The following TXNDC17 variants were observed in gnomAD, a reference collection of about 807,000 sequenced individuals.
The protein encoded by TXNDC17 is thioredoxin domain-containing protein 17.
Under a neutral mutation model 16.3 loss-of-function variants are expected in TXNDC17, and 12 were observed. The ratio of observed to expected loss-of-function variants is 0.74; its 90% CI spans 0.47 to 1.19. The LOEUF is 1.19. Among genes scored for constraint, TXNDC17 ranks in the 50% most tolerant of loss-of-function variants. The probability of loss-of-function intolerance (pLI) is 0.00; values close to 1 mark genes in which losing one functional copy is unlikely to be tolerated. For missense variants in TXNDC17, 158 were observed against 149.7 expected, an observed-to-expected ratio of 1.06 and a Z score of -0.29; for synonymous variants, 62 against 55.0, an observed-to-expected ratio of 1.13 and a Z score of -0.56.
At chr17:6,641,699 C>T in intron 1 of TXNDC17, 54 bp from the exon 2 acceptor site, 3 of 1,542,612 alleles carry the variant, frequency 1.9e-6, no homozygotes, top group Non-Finnish European at 1.8e-6. Flanking sequence ...ACAGTTTATA[C>T]GTGCCTGATT....
In TXNDC17 at chr17:6,641,093, A is replaced by T. The variant is rs200547270; in HGVS notation, c.11A>T (p.Tyr4Phe). The change falls in exon 1 of 4, where the codon TAT (tyrosine) becomes TTT (phenylalanine). Residue 4 changes from tyrosine to phenylalanine, a missense_variant. By Grantham distance (22) the Tyr-to-Phe change is conservative. Transcript: ENST00000250101. ...CTGCACGTCGTGCCAATGGCCCGCT[A>T]TGAGGAGGTGAGCGTGTCCGGCTTC... The part of the protein sequence containing the change: MAR[Y>F]EEVSVSGFEE... The T allele has an allele frequency of 2.8e-4, 451 of 1,612,956 alleles. 1 individual carries two copies. The highest frequency in any genetic ancestry group is 3.5e-4 in the Non-Finnish European group (418 of 1,179,898).
intron 3 of TXNDC17, 186 bp downstream of exon 3, chr17:6,642,510 C>G (rs1972701628): frequency 1.9e-6 from 1 of 516,544 alleles, no homozygotes; most frequent in African/African-American, 2.0e-5. Flanking sequence ...GCTATTAGGT[C>G]TTTTTCATGT....
chr17:6,641,576 C>T, intron 1 of TXNDC17, 177 bp from the exon 2 acceptor site: 1 of 696,440 alleles, frequency 1.4e-6, no homozygotes, highest in Non-Finnish European at 2.5e-6. Context: ...TTGGTCCTTA[C>T]CCTTAACGTG....
chr17:6,642,795 TATTG>T, intron 3 of TXNDC17, 152 bp from the exon 4 acceptor site: 1 of 620,356 alleles, frequency 1.6e-6, no homozygotes, highest in African/African-American at 1.8e-5. Flanking sequence ...ACAGCAAATA[TATTG>T]ATTCTTTCAT....
chr17:6,641,356 C>T, intron 1 of TXNDC17, 129 bp downstream of exon 1: 1 of 1,344,102 alleles, frequency 7.4e-7, no homozygotes, highest in South Asian at 1.4e-5. Context: ...GAGCTGTCCC[C>T]AAGTCTCCTT....
rs1972715220 is a variant in TXNDC17, at chr17:6,642,993, G to C, written c.346G>C (p.Val116Leu). 6.2e-7 allele frequency: 1 copy of C among 1,613,914 alleles called. No homozygotes were observed. Among genetic ancestry groups the C allele is most frequent in the Admixed American group, 1.7e-5 (1 of 60,024 alleles). Residue 116 changes from valine (V) to leucine (L), a missense_variant, in exon 4 of 4, where the codon GTG (valine) becomes CTG (leucine). Val to Leu is a conservative substitution (Grantham distance 32). Transcript: ENST00000250101. ...ATCTGAGTGTCTTCAGGCCAACCTG[G>C]TGGAAATGTTGTTCTCTGAAGATTA... is the stretch of plus-strand genomic sequence containing the variant. ...VESECLQANL[V>L]EMLFSED
At chr17:6,642,208 C>A in intron 2 of TXNDC17, 41 bp from the exon 3 acceptor site, 1 of 1,403,190 alleles carries the variant, frequency 7.1e-7, no homozygotes, top group South Asian at 1.2e-5. Context: ...TGTAATAAAC[C>A]AAGTAAATTT....
chr17:6,641,705 T>G (rs1456704223), intron 1 of TXNDC17, 48 bp from the exon 2 acceptor site: 3 of 1,572,178 alleles, frequency 1.9e-6, no homozygotes, highest in Non-Finnish European at 1.8e-6. Context: ...TATACGTGCC[T>G]GATTGTAGAG....
chr17:6,641,232 G>C lies in TXNDC17; in HGVS notation c.145+5G>C. ...GGTGCCCCGACTGCGTGCAGGGTGA[G>C]GCCGGGATTCGGGGGCTGCTGTCCA... is the stretch of plus-strand genomic sequence containing the variant. On this transcript the variant is annotated splice_donor_5th_base_variant and intron_variant, in intron 1 of 3. Coordinates refer to ENST00000250101, the MANE Select transcript of TXNDC17 (RefSeq NM_032731.4). 6.2e-7 allele frequency: 1 copy of C among 1,613,368 alleles called. No homozygotes were observed. Among genetic ancestry groups the C allele is most frequent in the South Asian group, 1.1e-5 (1 of 91,082 alleles).
rs367608285 is a variant in TXNDC17, at chr17:6,641,716, T to C, written c.146-37T>C. 26 of 1,597,718 alleles carry C rather than the reference T, an allele frequency of 1.6e-5. No homozygotes were observed. The African/African-American group carries it at 1.7e-4, about 11-fold the overall frequency. On this transcript the variant is annotated intron_variant, in intron 1 of 3. Coordinates refer to ENST00000250101, the MANE Select transcript of TXNDC17 (RefSeq NM_032731.4). ...AGTTTATACGTGCCTGATTGTAGAG[T>C]TGACGTGCGATTATTTTATCTCAAC...
chr17:6,641,272 A>C (rs1476584268), intron 1 of TXNDC17, 45 bp downstream of exon 1: 1 of 1,608,262 alleles, frequency 6.2e-7, no homozygotes, highest in African/African-American at 1.3e-5. Context: ...AAATGGCAGG[A>C]AGGTCGAGCC....
chr17:6,641,596 C>G (rs997391188), intron 1 of TXNDC17, 157 bp from the exon 2 acceptor site: 5 of 760,220 alleles, frequency 6.6e-6, no homozygotes, highest in Non-Finnish European at 1.1e-5. Context: ...GGCTCTAAGA[C>G]CAGAAGGGAA....
chr17:6,642,954 C>T lies in TXNDC17; in HGVS notation c.307C>T (p.Gln103Ter). 1.2e-6 allele frequency: 2 copies of T among 1,613,124 alleles called. No homozygotes were observed. The highest frequency in any genetic ancestry group is 1.7e-6 in the Non-Finnish European group (2 of 1,179,280). ...TTTGACTGTTTTTCTCTTACAGCCT[C>T]AAAAACTGGTAGAATCTGAGTGTCT... ...VPTLLKYGTP[Q>*]KLVESECLQA... Residue 103 changes from glutamine (Q) to a stop codon, truncating the protein, a stop_gained, in exon 4 of 4, where the codon CAA becomes TAA. Transcript: ENST00000250101. LOFTEE classifies it high-confidence loss of function.
In TXNDC17 at chr17:6,644,384, A is replaced by T. The variant is rs1446001726; in HGVS notation, c.*1365A>T. ...GCTACCATAATAAAGGTAGATAGGA[A>T]GAGTTTTCATTTTTTTTGTCTTCAC... On this transcript the variant is annotated 3_prime_UTR_variant, in exon 4 of 4. Coordinates refer to ENST00000250101, the MANE Select transcript of TXNDC17 (RefSeq NM_032731.4). The T allele has an allele frequency of 6.9e-7, 1 of 1,439,780 alleles. No homozygotes were observed. Among genetic ancestry groups the T allele is most frequent in the African/African-American group, 1.4e-5 (1 of 69,796 alleles). The allele number at this position is 1,439,780 out of a possible 1,614,324, so 89.2% of individuals were successfully genotyped here. A position where few individuals can be genotyped will look rare whatever the true frequency, so the allele number is the denominator to read the frequency against.
At position 6,641,102 on chromosome 17, in the gene TXNDC17, T is replaced by G. The variant is rs1597627583; in HGVS notation, c.20T>G (p.Val7Gly). The G allele has an allele frequency of 6.2e-7, 1 of 1,612,872 alleles. No homozygotes were observed. Among genetic ancestry groups the G allele is most frequent in the Non-Finnish European group, 8.5e-7 (1 of 1,179,858 alleles). Residue 7 changes from valine (V) to glycine (G), a missense_variant, in exon 1 of 4, where the codon GTG (valine) becomes GGG (glycine). Coordinates refer to ENST00000250101, the MANE Select transcript of TXNDC17 (RefSeq NM_032731.4). MARYEE[V>G]SVSGFEEFHR... ...GTGCCAATGGCCCGCTATGAGGAGGTGAGCGTGTCCGGCTTCGAGGAGTTC... is the reference window on the plus strand; with the variant it reads ...GTGCCAATGGCCCGCTATGAGGAGGGGAGCGTGTCCGGCTTCGAGGAGTTC...
chr17:6,641,775 G>T lies in TXNDC17; in HGVS notation c.168G>T (p.Gly56=), dbSNP rs1410021290. Residue 56 remains glycine, a synonymous_variant, in exon 2 of 4, where the codon GGG becomes GGT. Coordinates refer to ENST00000250101, the MANE Select transcript of TXNDC17 (RefSeq NM_032731.4). ...AAGCTGAACCAGTCGTACGAGAGGG[G>T]CTGAAGCACATTAGTGAAGGATGTG... is the stretch of plus-strand genomic sequence containing the variant. The part of the protein sequence containing the change: ...CVQAEPVVRE[G]LKHISEGCVF... 6.2e-7 allele frequency: 1 copy of T among 1,614,156 alleles called. No homozygotes were observed. The highest frequency in any genetic ancestry group is 1.3e-5 in the African/African-American group (1 of 75,032).
chr17:6,644,107 C>G lies in TXNDC17; in HGVS notation c.*1088C>G, dbSNP rs1972732850. 4.8e-6 allele frequency: 2 copies of G among 413,504 alleles called. No individual in the cohort carries two copies. Among genetic ancestry groups the G allele is most frequent in the Non-Finnish European group, 8.5e-6 (2 of 234,490 alleles). 25.6% of individuals were successfully genotyped at this position (413,504 alleles called of 1,614,324 possible). A position where few individuals can be genotyped will look rare whatever the true frequency, so the allele number is the denominator to read the frequency against. On this transcript the variant is annotated 3_prime_UTR_variant, in exon 4 of 4. Transcript: ENST00000250101. ...TAAGGTTCCAGGAGATGGTCTTGCC[C>G]TACTATATGTCAGGAACAGCTAGCC... is the stretch of plus-strand genomic sequence containing the variant.
In TXNDC17 at chr17:6,644,136, G is replaced by A. The variant is rs979708490; in HGVS notation, c.*1117G>A. ...TATATGTCAGGAACAGCTAGCCTTA[G>A]AATTCAGTATACTTGGTGGCCCACC... is the stretch of plus-strand genomic sequence containing the variant. On this transcript the variant is annotated 3_prime_UTR_variant, in exon 4 of 4. Transcript: ENST00000250101. 16 of 421,558 alleles carry A rather than the reference G, an allele frequency of 3.8e-5. No homozygotes were observed. The highest frequency in any genetic ancestry group is 3.3e-4 in the African/African-American group (16 of 48,906). 26.1% of individuals were successfully genotyped at this position (421,558 alleles called of 1,614,324 possible). A position where few individuals can be genotyped will look rare whatever the true frequency, so the allele number is the denominator to read the frequency against.
intron 2 of TXNDC17, 138 bp downstream of exon 2, chr17:6,641,972 A>G (rs918049829): frequency 2.4e-6 from 2 of 841,534 alleles, no homozygotes; most frequent in African/African-American, 3.4e-5. Flanking sequence ...GCTATTAAAT[A>G]CAAATTTAAA....
Sources: allele counts gnomAD v4.1 joint callset, GRCh38; gene constraint gnomAD v4.1.1; transcripts MANE v1.5; gene names NCBI Gene and HGNC (gene_info 2026-07-23, HGNC 2026-07-21).